The following PRDM16 variants were observed in gnomAD, a reference collection of about 807,000 sequenced individuals.
PRDM16 encodes histone-lysine N-methyltransferase PRDM16.
A neutral mutation model predicts 110.6 loss-of-function variants in PRDM16; 23 were observed. The ratio of observed to expected loss-of-function variants is 0.21; its 90% confidence interval spans 0.15 to 0.29. PRDM16 has a LOEUF of 0.29. Among genes scored for constraint, PRDM16 ranks in the 10% least tolerant of loss-of-function variants. The pLI, the probability that PRDM16 is intolerant of heterozygous loss-of-function variation, is 1.00. For missense variants in PRDM16, 1,615 were observed against 1,794.3 expected (o/e 0.90, Z 1.81); for synonymous variants, 799 against 781.8 (o/e 1.02, Z -0.37).
At chr1:3,323,837 T>C (rs1641821419) in intron 3 of PRDM16, among the ~76,000 whole-genome samples, 1 of 152,242 alleles carries the variant, frequency 6.6e-6, no homozygotes, top group Non-Finnish European at 1.5e-5. Flanking sequence ...TATGTAATGA[T>C]GTCAAAGAGG....
At chr1:3,282,658 A>G (rs949043550) in intron 3 of PRDM16, among the ~76,000 whole-genome samples, 1 of 152,214 alleles carries the variant, frequency 6.6e-6, no homozygotes, top group African/African-American at 2.4e-5. Context: ...AAACTCGCCA[A>G]GAGAGCAGGC....
chr1:3,322,543 T>C (rs1051059062), intron 3 of PRDM16, among the ~76,000 whole-genome samples: 1 of 151,568 alleles, frequency 6.6e-6, no homozygotes, highest in Non-Finnish European at 1.5e-5. Flanking sequence ...CTGAGGCCAG[T>C]GGCGGAGAGG....
chr1:3,393,335 G>A (rs571807100), intron 4 of PRDM16, among the ~76,000 whole-genome samples: 13 of 152,206 alleles, frequency 8.5e-5, no homozygotes, highest in Non-Finnish European at 1.5e-4. Context: ...CCGCTGCTGG[G>A]GGCTAAAGGC....
intron 3 of PRDM16, among the ~76,000 whole-genome samples, chr1:3,363,637 C>T (rs1156913049): frequency 6.6e-6 from 1 of 152,088 alleles, no homozygotes; most frequent in Non-Finnish European, 1.5e-5. Flanking sequence ...GCTCCCATTG[C>T]CCCCCAATAA....
At chr1:3,317,174 A>ACCAGTGTGAGGATGATTTCTT (rs1553162361) in intron 3 of PRDM16, among the ~76,000 whole-genome samples, 1 of 152,172 alleles carries the variant, frequency 6.6e-6, no homozygotes, top group Non-Finnish European at 1.5e-5. Context: ...GGACAGTGTG[A>ACCAGTGTGAGGATGATTTCTT]CCAGTGTGAG....
intron 5 of PRDM16, among the ~76,000 whole-genome samples, chr1:3,398,290 AT>A (rs1355225323): frequency 6.6e-6 from 1 of 152,020 alleles, no homozygotes; most frequent in Admixed American, 6.6e-5. Flanking sequence ...CTGGGTCTAC[AT>A]TTTCCTAATA....
rs1569807193 is a variant in PRDM16 at position 3,437,845 on chromosome 1, T to A, written c.*4034T>A. 9.2e-6 allele frequency: 2 copies of A among 217,488 alleles called. No individual in the cohort carries two copies. Among genetic ancestry groups the A allele is most frequent in the East Asian group, 1.4e-4 (2 of 14,810 alleles). The allele number at this position is 217,488 out of a possible 1,614,324, so 13.5% of individuals were successfully genotyped here. ...GTCATTCTAACAATTGCCTTCAGCG[T>A]CACGTGCATTGCCACTGCGCTTTCG... On this transcript the variant is annotated 3_prime_UTR_variant, in exon 17 of 17. Coordinates refer to ENST00000270722, the MANE Select transcript of PRDM16 (RefSeq NM_022114.4).
intron 1 of PRDM16, among the ~76,000 whole-genome samples, chr1:3,145,513 C>T (rs1013718502): frequency 1.1e-4 from 17 of 152,152 alleles, no homozygotes; most frequent in African/African-American, 3.4e-4. Flanking sequence ...TCCCAGGCCA[C>T]CCCAGGGGGC....
chr1:3,137,433 C>T (rs1334711613), intron 1 of PRDM16, among the ~76,000 whole-genome samples: 1 of 152,216 alleles, frequency 6.6e-6, no homozygotes, highest in Non-Finnish European at 1.5e-5. Context: ...CCAGGGGACA[C>T]GATGTCCTTT....
At chr1:3,305,468 G>C (rs1260044341) in intron 3 of PRDM16, among the ~76,000 whole-genome samples, 1 of 152,232 alleles carries the variant, frequency 6.6e-6, no homozygotes, top group East Asian at 1.9e-4. Context: ...CCAGCTCCAT[G>C]TTAGGTGTAA....
chr1:3,295,403 C>A (rs1641064907), intron 3 of PRDM16, among the ~76,000 whole-genome samples: 1 of 152,156 alleles, frequency 6.6e-6, no homozygotes, highest in African/African-American at 2.4e-5. Flanking sequence ...TCGGGACTTC[C>A]ATGATGGGCT....
chr1:3,184,047 A>G (rs1242778902), intron 1 of PRDM16, among the ~76,000 whole-genome samples: 2 of 151,172 alleles, frequency 1.3e-5, no homozygotes, highest in African/African-American at 4.9e-5. Context: ...GGCGGGGGTT[A>G]TGGGGGTGTT....
chr1:3,129,626 C>T (rs897541843), intron 1 of PRDM16, among the ~76,000 whole-genome samples: 21 of 152,134 alleles, frequency 1.4e-4, no homozygotes, highest in African/African-American at 4.8e-4. Flanking sequence ...GCCCTTGAAG[C>T]AGGTTCTCCC....
chr1:3,184,790 G>A (rs1168858002), intron 1 of PRDM16, among the ~76,000 whole-genome samples: 1 of 152,162 alleles, frequency 6.6e-6, no homozygotes, highest in Non-Finnish European at 1.5e-5. Flanking sequence ...TCGTCTAAAT[G>A]CCGCCAAGCA....
chr1:3,215,622 G>A (rs1051682776), intron 2 of PRDM16, among the ~76,000 whole-genome samples: 13 of 152,298 alleles, frequency 8.5e-5, no homozygotes, highest in Admixed American at 7.8e-4. Context: ...GTCCTCCGGG[G>A]ACCTGTCGAG....
At chr1:3,387,269 A>C (rs1397706570) in intron 4 of PRDM16, among the ~76,000 whole-genome samples, 3 of 152,146 alleles carry the variant, frequency 2.0e-5, no homozygotes, top group Non-Finnish European at 4.4e-5. Flanking sequence ...AACCACAGAT[A>C]ATGTCAAAAC....
At chr1:3,120,456 G>C (rs1449152900) in intron 1 of PRDM16, among the ~76,000 whole-genome samples, 1 of 152,194 alleles carries the variant, frequency 6.6e-6, no homozygotes, top group East Asian at 1.9e-4. Flanking sequence ...TGAACTCGGG[G>C]GTCGTCACAC....
At chr1:3,151,101 G>A (rs1030430258) in intron 1 of PRDM16, among the ~76,000 whole-genome samples, 3 of 152,194 alleles carry the variant, frequency 2.0e-5, no homozygotes, top group African/African-American at 4.8e-5. Context: ...GGGCCTCCTG[G>A]TCCTGAGATA....
intron 2 of PRDM16, among the ~76,000 whole-genome samples, chr1:3,230,746 G>A (rs577534751): frequency 8.5e-5 from 13 of 152,202 alleles, no homozygotes; most frequent in South Asian, 2.1e-4. Flanking sequence ...TGCCTGTCTC[G>A]CTGGCTGTGT....
Sources: gnomAD v4.1 joint callset for allele counts (sites outside exome capture counted in the v4.1 genomes callset) on GRCh38, gnomAD v4.1.1 for gene constraint, MANE v1.5 for transcripts, NCBI Gene and HGNC (gene_info 2026-07-23, HGNC 2026-07-21) for gene names.